BABAM2: variants seen among roughly 807,000 people sequenced by gnomAD.
BABAM2 encodes BRISC and BRCA1 A complex member 2, also known as BRISC and BRCA1-A complex member 2.
A neutral mutation model predicts 54.7 loss-of-function variants in BABAM2; 31 were observed. The ratio of observed to expected loss-of-function variants is 0.57; its 90% CI spans 0.43 to 0.77. The LOEUF (loss-of-function observed/expected upper bound fraction) is 0.77, where lower values mean the gene tolerates loss of function less well. Among genes scored for constraint, BABAM2 ranks in the 30% least tolerant of loss-of-function variants. The pLI is 0.00. For missense variants in BABAM2, 364 were observed against 455.8 expected, an observed-to-expected ratio of 0.80 and a Z score of 1.83; for synonymous variants, 167 against 162.9, an observed-to-expected ratio of 1.03 and a Z score of -0.19.
At chr2:27,916,292 CA>C (rs1666962846) in intron 2 of BABAM2, among the ~76,000 whole-genome samples, 1 of 152,234 alleles carries the variant, frequency 6.6e-6, no homozygotes, top group East Asian at 1.9e-4. Context: ...AAAAAGTTTA[CA>C]GGAATATTTT....
In BABAM2 at chr2:28,329,932, A is replaced by G. The variant is rs946708104; in HGVS notation, c.1089-8518A>G. On this transcript the variant is annotated intron_variant, in intron 11 of 11. Transcript: ENST00000379624. The surrounding 1 kb of genome is among the most constrained non-coding windows in gnomAD (Gnocchi z 4.2). ...GATGAACATCAGTGTAAAAATCCTC[A>G]ATAAAATACTGGCAGACTGAATCCA... 6.6e-6 allele frequency among the ~76,000 whole-genome samples: 1 copy of G among 152,224 alleles called. No individual in the cohort carries two copies. Among genetic ancestry groups the G allele is most frequent in the Admixed American group, 6.5e-5 (1 of 15,282 alleles).
intron 3 of BABAM2, among the ~76,000 whole-genome samples, chr2:27,946,883 G>A (rs929835643): frequency 3.3e-5 from 5 of 152,048 alleles, no homozygotes; most frequent in South Asian, 2.1e-4. Flanking sequence ...TTGGCATACC[G>A]TTATTCATCT....
chr2:28,172,216 C>T (rs1256243457), intron 7 of BABAM2, among the ~76,000 whole-genome samples: 2 of 152,040 alleles, frequency 1.3e-5, no homozygotes, highest in African/African-American at 2.4e-5. Context: ...TTTAGGACTT[C>T]GAAGAACATC....
chr2:28,320,907 T>C (rs1260628685), intron 11 of BABAM2, among the ~76,000 whole-genome samples: 1 of 152,222 alleles, frequency 6.6e-6, no homozygotes, highest in Non-Finnish European at 1.5e-5. Context: ...ATACACATGA[T>C]TGTTGCTTGG....
chr2:28,274,802 C>T (rs991962541), intron 10 of BABAM2, among the ~76,000 whole-genome samples: 14 of 152,138 alleles, frequency 9.2e-5, no homozygotes, highest in African/African-American at 7.2e-5. Context: ...CCCTTTTCAT[C>T]GTCACAGCCC....
At position 28,192,410 on chromosome 2, in the gene BABAM2, C is replaced by T. The variant is rs562526479; in HGVS notation, c.681-44792C>T. 6.8e-4 allele frequency among the ~76,000 whole-genome samples: 102 copies of T among 150,390 alleles called. 2 individuals carry two copies. The highest frequency in any genetic ancestry group is 1.9e-3 in the African/African-American group (78 of 40,792). On this transcript the variant is annotated intron_variant, in intron 7 of 11. Transcript: ENST00000379624. ...TTTATACATACGTAAAAAACCTGCACGTTGTGCACATGTACCCTGGAACTT... is the reference window on the plus strand; with the variant it reads ...TTTATACATACGTAAAAAACCTGCATGTTGTGCACATGTACCCTGGAACTT...
At chr2:28,013,537 C>T (rs2148536797) in intron 4 of BABAM2, among the ~76,000 whole-genome samples, 1 of 151,970 alleles carries the variant, frequency 6.6e-6, no homozygotes, top group African/African-American at 2.4e-5. Flanking sequence ...AGACATATGT[C>T]CTCCTCAAGA....
chr2:27,910,380 A>G (rs916916147), intron 2 of BABAM2, among the ~76,000 whole-genome samples: 1 of 152,218 alleles, frequency 6.6e-6, no homozygotes, highest in Non-Finnish European at 1.5e-5. Context: ...TAAACATTAA[A>G]GGTTTAAACT....
intron 3 of BABAM2, among the ~76,000 whole-genome samples, chr2:27,980,516 A>G (rs937839872): frequency 2.8e-4 from 42 of 152,330 alleles, no homozygotes; most frequent in African/African-American, 9.4e-4. Context: ...CAAGAGAACA[A>G]TGCCACAGTT....
chr2:28,267,323 C>T (rs1383093596), intron 10 of BABAM2, among the ~76,000 whole-genome samples: 5 of 151,980 alleles, frequency 3.3e-5, no homozygotes, highest in Non-Finnish European at 7.4e-5. Flanking sequence ...CTAGGAGGAT[C>T]CCTCCTGGTG....
At chr2:28,096,348 T>G (rs993340990) in intron 6 of BABAM2, among the ~76,000 whole-genome samples, 3 of 150,862 alleles carry the variant, frequency 2.0e-5, no homozygotes, top group Non-Finnish European at 4.4e-5. Context: ...AATAGGAAAG[T>G]TACAACAATT....
chr2:28,199,784 T>C (rs1293667419), intron 7 of BABAM2, among the ~76,000 whole-genome samples: 4 of 152,158 alleles, frequency 2.6e-5, no homozygotes, highest in Admixed American at 2.0e-4. Context: ...GCAGACTGAT[T>C]AGTTTCTGGC....
chr2:28,095,141 A>G (rs2063018), intron 6 of BABAM2, among the ~76,000 whole-genome samples: 31,459 of 152,012 alleles, frequency 0.21, 4,072 homozygotes, highest in Middle Eastern at 0.32. Flanking sequence ...TGTAATTTTG[A>G]TGGCAAATTT....
chr2:28,301,189 C>T (rs1386101077), intron 11 of BABAM2, among the ~76,000 whole-genome samples: 1 of 152,192 alleles, frequency 6.6e-6, no homozygotes, highest in Non-Finnish European at 1.5e-5. Context: ...ATGACATAAA[C>T]ACTCTCATGG....
upstream of BABAM2, chr2:27,890,062 T>C: frequency 1.8e-6 from 1 of 554,618 alleles, no homozygotes; most frequent in Non-Finnish European, 3.2e-6. The surrounding 1 kb of genome is among the most constrained non-coding windows in gnomAD (Gnocchi z 4.8). Context: ...TCCCCTCCCC[T>C]GAGATTTACC....
intron 9 of BABAM2, among the ~76,000 whole-genome samples, chr2:28,241,598 G>A (rs902794070): frequency 4.6e-5 from 7 of 151,916 alleles, no homozygotes; most frequent in East Asian, 1.9e-4. Context: ...GAGTTCAAGC[G>A]ATTCTCCTGC....
intron 6 of BABAM2, among the ~76,000 whole-genome samples, chr2:28,101,820 C>T (rs1667106271): frequency 6.7e-6 from 1 of 149,118 alleles, no homozygotes; most frequent in Non-Finnish European, 1.5e-5. Context: ...CAATAGACCC[C>T]AAACCTGGAT....
chr2:28,307,169 G>T (rs1402601590), intron 11 of BABAM2, among the ~76,000 whole-genome samples: 1 of 150,006 alleles, frequency 6.7e-6, no homozygotes, highest in Non-Finnish European at 1.5e-5. Context: ...ACCACACCTG[G>T]CTATTTTTTA....
At chr2:28,176,989 A>G (rs576453860) in intron 7 of BABAM2, among the ~76,000 whole-genome samples, 60 of 152,316 alleles carry the variant, frequency 3.9e-4, no homozygotes, top group Non-Finnish European at 7.9e-4. Flanking sequence ...AAGCCTGTTT[A>G]ATGAAATAAT....
Sources: gnomAD v4.1 joint callset for allele counts (sites outside exome capture counted in the v4.1 genomes callset) on GRCh38, gnomAD v4.1.1 for gene constraint, Gnocchi (gnomAD v3.1) non-coding constraint, MANE v1.5 for transcripts, NCBI Gene and HGNC (gene_info 2026-07-23, HGNC 2026-07-21) for gene names.